Variants in EIF3B observed in about 807,000 individuals in gnomAD.
EIF3B encodes the protein eukaryotic translation initiation factor 3 subunit B.
Under a neutral mutation model 104.6 loss-of-function variants are expected in EIF3B, and 10 were observed. The observed-to-expected ratio is 0.10, with a 90% CI of 0.06 to 0.16. EIF3B has a LOEUF of 0.16. EIF3B is among the 10% of genes least tolerant of loss of function. The pLI is 1.00. For missense variants in EIF3B, 1,014 were observed against 1,087.9 expected, an observed-to-expected ratio of 0.93 and a Z score of 0.96; for synonymous variants, 542 against 417.2, an observed-to-expected ratio of 1.30 and a Z score of -3.65.
chr7:2,379,306 C>T (rs188908214), intron 17 of EIF3B, 64 bp downstream of exon 17: 57 of 1,557,896 alleles, frequency 3.7e-5, no homozygotes, highest in Admixed American at 7.3e-5. Flanking sequence ...CCCTGGTGCC[C>T]GCGGACTCCT....
chr7:2,379,053 C>A, intron 16 of EIF3B, 81 bp from the exon 17 acceptor site: 1 of 1,221,634 alleles, frequency 8.2e-7, no homozygotes, highest in Non-Finnish European at 1.2e-6. Context: ...CCTTCTGGCA[C>A]CGTCCGCCTG....
Position 2,366,425 on chromosome 7 carries a change from C to G in EIF3B, c.1266C>G (p.Ser422Arg). The G allele has an allele frequency of 6.2e-7, 1 of 1,614,088 alleles. No individual in the cohort carries two copies. The highest frequency in any genetic ancestry group is 8.5e-7 in the Non-Finnish European group (1 of 1,180,012). Residue 422 changes from serine (S) to arginine (R), a missense_variant, in exon 7 of 19, where the codon AGC becomes AGG. By Grantham distance (110) the Ser-to-Arg change is moderately radical. Coordinates refer to ENST00000360876, the MANE Select transcript of EIF3B (RefSeq NM_001037283.2). The stretch of plus-strand genomic sequence containing the variant: ...AGAAGAGGGGTTTTCACTGTGAGAG[C>G]TCAGCCCATTGGCCTATTTTTAAGT... ...GHKKRGFHCE[S>R]SAHWPIFKWS...
In EIF3B at chr7:2,380,326, G is replaced by A. The variant is rs373009831; in HGVS notation, c.*137G>A. ...CCGAGGCCGTCCTGCAGGAAGCCGC[G>A]TGACTCCCGCCTCCTCCCTGTGCTC... is the stretch of plus-strand genomic sequence containing the variant. On this transcript the variant is annotated 3_prime_UTR_variant, in exon 19 of 19. Coordinates refer to ENST00000360876, the MANE Select transcript of EIF3B (RefSeq NM_001037283.2). 10 of 518,044 alleles carry A rather than the reference G, an allele frequency of 1.9e-5. No individual in the cohort carries two copies. The highest frequency in any genetic ancestry group is 5.8e-5 in the Admixed American group (3 of 51,446). 32.1% of individuals were successfully genotyped at this position (518,044 alleles called of 1,614,324 possible).
chr7:2,365,278 G>A (rs150811135), intron 6 of EIF3B, among the ~76,000 whole-genome samples: 39 of 152,312 alleles, frequency 2.6e-4, no homozygotes, highest in East Asian at 1.9e-3. Flanking sequence ...TAGCTAATCC[G>A]GCTGTCGGAG....
chr7:2,364,455 G>A lies in EIF3B; in HGVS notation c.1083G>A (p.Gly361=), dbSNP rs542277582. 7.8e-5 allele frequency: 126 copies of A among 1,613,368 alleles called. 1 individual carries two copies. The South Asian group carries it at 1.4e-3, about 18-fold the overall frequency. Residue 361 remains glycine, a synonymous_variant, in exon 6 of 19, where the codon GGG becomes GGA. Transcript: ENST00000360876. The part of the protein sequence containing the change: ...TFHQRGIALW[G]GEKFKQIQRF... ...ATCAAAGAGGCATTGCTCTATGGGGGGGAGAGAAATTCAAGCAAATTCAGA... is the reference window on the plus strand; with the variant it reads ...ATCAAAGAGGCATTGCTCTATGGGGAGGAGAGAAATTCAAGCAAATTCAGA...
At chr7:2,366,713 T>A in intron 8 of EIF3B, 122 bp downstream of exon 8, 2 of 1,138,824 alleles carry the variant, frequency 1.8e-6, no homozygotes, top group South Asian at 2.8e-5. Context: ...AGGAAAGGCC[T>A]GTCTCCTGTG....
chr7:2,368,517 T>C (rs1022984110), intron 9 of EIF3B, among the ~76,000 whole-genome samples: 12 of 152,216 alleles, frequency 7.9e-5, no homozygotes, highest in African/African-American at 2.7e-4. Flanking sequence ...TGCTCAGCAT[T>C]GGGCCCGCCA....
chr7:2,378,374 G>A (rs1780787803), intron 15 of EIF3B: 1 of 265,830 alleles, frequency 3.8e-6, no homozygotes, highest in East Asian at 6.2e-5. Flanking sequence ...GAACAGGCGA[G>A]CGCTCCTGGG....
rs141198977 is a variant in EIF3B at position 2,361,178 on chromosome 7, G to A, written c.692+276G>A. On this transcript the variant is annotated intron_variant, in intron 2 of 18. Transcript: ENST00000360876. ...AACTCCCAACACTCTTGAAGCCTGA[G>A]GCCAGGAGTTGGAGGCTGCAGTGAG... is the stretch of plus-strand genomic sequence containing the variant. Among the ~76,000 whole-genome samples the A allele has an allele frequency of 3.4e-3, 517 of 152,296 alleles. 2 individuals carry two copies. The highest frequency in any genetic ancestry group is 5.9e-3 in the Non-Finnish European group (401 of 68,028).
intron 1 of EIF3B, among the ~76,000 whole-genome samples, chr7:2,357,816 A>C (rs1779533835): frequency 6.6e-6 from 1 of 152,120 alleles, no homozygotes; most frequent in Non-Finnish European, 1.5e-5. Context: ...AGTTTCTCCT[A>C]GACTAGACGC....
chr7:2,373,410 G>T (rs1427220942), intron 12 of EIF3B: 1 of 152,610 alleles, frequency 6.6e-6, no homozygotes, highest in Admixed American at 6.5e-5. Flanking sequence ...TGGGGTGTGT[G>T]TGTGTGGTAG....
At position 2,377,027 on chromosome 7, in the gene EIF3B, G is replaced by A. The variant is rs1485277315; in HGVS notation, c.2106G>A (p.Leu702=). ...QKNNKDRFCQ[L]LWRPRPPTLL... Reference sequence around the variant, plus strand: ...ACAACAAGGACCGCTTCTGCCAGCTGCTGTGGCGGCCCCGGCCTCCCACAC... The same window carrying A: ...ACAACAAGGACCGCTTCTGCCAGCTACTGTGGCGGCCCCGGCCTCCCACAC... The change falls in exon 15 of 19, where the codon CTG becomes CTA. Residue 702 remains leucine (L), a synonymous_variant. Transcript: ENST00000360876. 2.5e-6 allele frequency: 4 copies of A among 1,613,800 alleles called. No homozygotes were observed. Among genetic ancestry groups the A allele is most frequent in the Middle Eastern group, 1.6e-4 (1 of 6,062 alleles).
In EIF3B at chr7:2,380,682, G is replaced by A. The variant is rs1780962043; in HGVS notation, c.*493G>A. ...CCGCCATGCCTTGTACCCCCACCGT[G>A]CAGGTTGTGGCCGGTTTTCTCCGCA... On this transcript the variant is annotated 3_prime_UTR_variant, in exon 19 of 19. Transcript: ENST00000360876. The A allele has an allele frequency of 5.5e-6, 1 of 182,348 alleles. No homozygotes were observed. Among genetic ancestry groups the A allele is most frequent in the Non-Finnish European group, 1.2e-5 (1 of 84,898 alleles). The allele number at this position is 182,348 out of a possible 1,614,324, so 11.3% of individuals were successfully genotyped here.
upstream of EIF3B, chr7:2,354,114 G>T (rs535171068): frequency 2.6e-5 from 4 of 152,170 alleles, 1 homozygote; most frequent in African/African-American, 7.3e-5. Context: ...CGCTGAAGGC[G>T]GCGGCCTCGG....
At chr7:2,363,191 A>G in intron 4 of EIF3B, 64 bp downstream of exon 4, 1 of 1,505,664 alleles carries the variant, frequency 6.6e-7, no homozygotes, top group Non-Finnish European at 9.2e-7. Flanking sequence ...GGTGGGTCAC[A>G]CCTGCAATCC....
intron 9 of EIF3B, among the ~76,000 whole-genome samples, chr7:2,367,278 C>A (rs1337818359): frequency 6.6e-6 from 1 of 151,960 alleles, no homozygotes; most frequent in Non-Finnish European, 1.5e-5. Flanking sequence ...TGGAGGAAGG[C>A]CTCCGTGGCC....
rs1214737662 is a variant in EIF3B at position 2,355,128 on chromosome 7, G to C, written c.207G>C (p.Glu69Asp). 4 of 1,404,208 alleles carry C rather than the reference G, an allele frequency of 2.8e-6. No individual in the cohort carries two copies. Among genetic ancestry groups the C allele is most frequent in the Non-Finnish European group, 3.7e-6 (4 of 1,088,654 alleles). 87.0% of individuals were successfully genotyped at this position (1,404,208 alleles called of 1,614,324 possible). A position where few individuals can be genotyped will look rare whatever the true frequency, so the allele number is the denominator to read the frequency against. The change falls in exon 1 of 19, where the codon GAG becomes GAC. Residue 69 changes from glutamate (E) to aspartate (D), a missense_variant. Coordinates refer to ENST00000360876, the MANE Select transcript of EIF3B (RefSeq NM_001037283.2). ...EAGPESEVRT[E>D]PAAEAEAASG... ...GGCCGGAGTCCGAGGTGAGGACCGAGCCGGCGGCCGAGGCAGAGGCGGCCT... is the reference window on the plus strand; with the variant it reads ...GGCCGGAGTCCGAGGTGAGGACCGACCCGGCGGCCGAGGCAGAGGCGGCCT...
chr7:2,369,480 C>G lies in EIF3B; in HGVS notation c.1412C>G (p.Ser471Cys). 6.2e-7 allele frequency: 1 copy of G among 1,614,204 alleles called. No homozygotes were observed. Among genetic ancestry groups the G allele is most frequent in the Non-Finnish European group, 8.5e-7 (1 of 1,180,026 alleles). ...SLKISGIKDFSWSPGGNIIAF... is the reference protein window; with the variant it reads ...SLKISGIKDFCWSPGGNIIAF... ...ATTTTCCTGTTCTGCAGAGACTTTT[C>G]TTGGTCTCCTGGTGGTAACATAATC... The change falls in exon 10 of 19, where the codon TCT (serine) becomes TGT (cysteine). Residue 471 changes from serine (S) to cysteine (C), a missense_variant. Ser to Cys is a moderately radical substitution (Grantham distance 112, BLOSUM62 -1). Transcript: ENST00000360876.
At chr7:2,373,076 C>T (rs1306576321) in intron 12 of EIF3B, 3 of 254,836 alleles carry the variant, frequency 1.2e-5, no homozygotes, top group Non-Finnish European at 2.2e-5. Context: ...TTTTTCTCTT[C>T]TGGCTGTAGC....
Sources: gnomAD v4.1 joint callset for allele counts (sites outside exome capture counted in the v4.1 genomes callset) on GRCh38, gnomAD v4.1.1 for gene constraint, MANE v1.5 for transcripts, NCBI Gene and HGNC (gene_info 2026-07-23, HGNC 2026-07-21) for gene names.